EYS: variants seen among roughly 807,000 people sequenced by gnomAD.
EYS encodes the protein protein eyes shut homolog.
A neutral mutation model predicts 282.1 loss-of-function variants in EYS; 250 were observed. The observed-to-expected ratio is 0.89, with a 90% CI of 0.80 to 0.98. EYS has a LOEUF of 0.98. EYS is among the 50% of genes least tolerant of loss of function. The pLI, the probability that EYS is intolerant of heterozygous loss-of-function variation, is 0.00. For synonymous variants in EYS, 1,355 were observed against 1,282.9 expected (o/e 1.06, Z -1.20); for missense variants, 4,016 against 3,709.0 (o/e 1.08, Z -2.15).
At chr6:63,846,020 A>G (rs1772089190) in intron 36 of EYS, among the ~76,000 whole-genome samples, 1 of 152,214 alleles carries the variant, frequency 6.6e-6, no homozygotes, top group Non-Finnish European at 1.5e-5. Flanking sequence ...ACAAGTCATA[A>G]AGGAGAGAGG....
At chr6:64,402,903 A>T (rs1285508486) in intron 28 of EYS, among the ~76,000 whole-genome samples, 1 of 152,212 alleles carries the variant, frequency 6.6e-6, no homozygotes, top group African/African-American at 2.4e-5. Context: ...CTAGAACTTC[A>T]GATCTTTCCA....
chr6:64,109,056 C>T (rs1006391118), intron 31 of EYS, among the ~76,000 whole-genome samples: 11 of 152,070 alleles, frequency 7.2e-5, no homozygotes, highest in Non-Finnish European at 1.6e-4. Context: ...GATGCTATAA[C>T]TTCAGAGACC....
intron 1 of EYS, among the ~76,000 whole-genome samples, chr6:65,692,922 A>G (rs1769296060): frequency 6.7e-6 from 1 of 150,136 alleles, no homozygotes; most frequent in East Asian, 2.3e-4. Flanking sequence ...CTGCACCATT[A>G]CATTGTAAGT....
chr6:64,234,267 T>C (rs1188297920), intron 30 of EYS, among the ~76,000 whole-genome samples: 1 of 152,020 alleles, frequency 6.6e-6, no homozygotes, highest in Non-Finnish European at 1.5e-5. Context: ...ACTTTTTTTT[T>C]TACAAAAATG....
intron 15 of EYS, among the ~76,000 whole-genome samples, chr6:64,921,814 A>T (rs1768354079): frequency 6.6e-6 from 1 of 152,248 alleles, no homozygotes; most frequent in Non-Finnish European, 1.5e-5. Context: ...GCCAAAGCAC[A>T]AAAGAATTAG....
At chr6:64,769,181 C>T (rs970297666) in intron 22 of EYS, among the ~76,000 whole-genome samples, 1 of 152,098 alleles carries the variant, frequency 6.6e-6, no homozygotes, top group East Asian at 1.9e-4. Context: ...TCTACTATTA[C>T]AGGCCTAAAT....
chr6:65,290,859 T>A (rs1273386123), intron 12 of EYS, among the ~76,000 whole-genome samples: 5 of 151,402 alleles, frequency 3.3e-5, no homozygotes, highest in African/African-American at 1.2e-4. Context: ...GATATCATCT[T>A]ATTTATCATC....
intron 15 of EYS, among the ~76,000 whole-genome samples, chr6:64,922,775 A>G (rs1768390159): frequency 6.6e-6 from 1 of 152,046 alleles, no homozygotes; most frequent in South Asian, 2.1e-4. Context: ...CATCTTAGCT[A>G]TGGATATCCC....
At chr6:65,648,309 AAT>A (rs548761571) in intron 1 of EYS, among the ~76,000 whole-genome samples, 66 of 87,282 alleles carry the variant, frequency 7.6e-4, no homozygotes, top group African/African-American at 2.0e-3. Context: ...GGATAAAGAA[AAT>A]ATATGTGTGT....
rs565777628 is a variant in EYS at position 64,062,563 on chromosome 6, G to T, written c.6725+3775C>A. On this transcript the variant is annotated intron_variant, in intron 33 of 42. Coordinates refer to ENST00000503581, the MANE Select transcript of EYS (RefSeq NM_001142800.2). ...AAAAATTAGCCAGGCGTGGTGGTGG[G>T]CACCTGTAATCCCAGCTGCTTGGAG... Among the ~76,000 whole-genome samples, 10 of 151,910 alleles carry T rather than the reference G, an allele frequency of 6.6e-5. No homozygotes were observed. The South Asian group carries it at 2.1e-3, about 32-fold the overall frequency.
chr6:64,816,637 A>G (rs529526293), intron 21 of EYS, among the ~76,000 whole-genome samples: 1 of 152,278 alleles, frequency 6.6e-6, no homozygotes, highest in African/African-American at 2.4e-5. Flanking sequence ...ATTTATTTAA[A>G]CAAAAGATAC....
At chr6:64,491,404 TTGAG>T (rs1437308332) in intron 26 of EYS, among the ~76,000 whole-genome samples, 1 of 150,992 alleles carries the variant, frequency 6.6e-6, no homozygotes, top group African/African-American at 2.4e-5. Context: ...TATTATCTCC[TTGAG>T]TATCAGGCAA....
chr6:64,090,109 G>C (rs1461475658), intron 31 of EYS, among the ~76,000 whole-genome samples: 1 of 152,032 alleles, frequency 6.6e-6, no homozygotes, highest in Admixed American at 6.6e-5. Flanking sequence ...GATCTTCAAT[G>C]CAGGAAAAAT....
chr6:64,774,223 T>C (rs1562184317), intron 22 of EYS, among the ~76,000 whole-genome samples: 1 of 151,992 alleles, frequency 6.6e-6, no homozygotes, highest in South Asian at 2.1e-4. Flanking sequence ...TGGGGAGAGA[T>C]TGGGGAAACT....
chr6:65,444,070 C>G (rs920063969), intron 5 of EYS, among the ~76,000 whole-genome samples: 1 of 151,876 alleles, frequency 6.6e-6, no homozygotes, highest in African/African-American at 2.4e-5. Flanking sequence ...AATCTAAAGA[C>G]TGCAGTTTTA....
chr6:64,681,314 C>G, intron 22 of EYS, among the ~76,000 whole-genome samples: 1 of 152,144 alleles, frequency 6.6e-6, no homozygotes, highest in Non-Finnish European at 1.5e-5. Context: ...AGGGTAATTT[C>G]TGGTCCCCCG....
In EYS at chr6:65,540,204, T is replaced by G. The variant is rs1304191973; in HGVS notation, c.-332-44211A>C. ...AATGCTTTCTCCATTAAGCCATCAT[T>G]CCAATGATACCAAGCACATTGTATT... On this transcript the variant is annotated intron_variant, in intron 2 of 42. Transcript: ENST00000503581. 3.9e-4 allele frequency among the ~76,000 whole-genome samples: 60 copies of G among 152,184 alleles called. 1 individual carries two copies. The highest frequency in any genetic ancestry group is 5.9e-5 in the Non-Finnish European group (4 of 68,030).
At chr6:65,298,570 T>G (rs1213919726) in intron 11 of EYS, among the ~76,000 whole-genome samples, 3 of 151,974 alleles carry the variant, frequency 2.0e-5, no homozygotes, top group African/African-American at 7.2e-5. Context: ...CTTTTTAAAA[T>G]TTGACGAGTT....
intron 27 of EYS, among the ~76,000 whole-genome samples, chr6:64,437,658 T>C (rs1774798088): frequency 6.6e-6 from 1 of 151,524 alleles, no homozygotes; most frequent in Non-Finnish European, 1.5e-5. Context: ...ATATTATAAA[T>C]GGGCAAATAA....
Sources: gnomAD v4.1 joint callset for allele counts (sites outside exome capture counted in the v4.1 genomes callset) on GRCh38, gnomAD v4.1.1 for gene constraint, MANE v1.5 for transcripts, NCBI Gene and HGNC (gene_info 2026-07-23, HGNC 2026-07-21) for gene names.